The following WDPCP variants were observed in gnomAD, a reference collection of about 807,000 sequenced individuals.
WDPCP encodes the protein WD repeat-containing and planar cell polarity effector protein fritz homolog.
Under a neutral mutation model 93.1 loss-of-function variants are expected in WDPCP, and 71 were observed. That is an observed-to-expected ratio of 0.76 (90% CI 0.63 to 0.93). The LOEUF (loss-of-function observed/expected upper bound fraction) is 0.93. Ranked by LOEUF, WDPCP falls within the 40% of genes least tolerant of loss-of-function variation. The pLI is 0.00. For missense variants in WDPCP, 844 were observed against 887.4 expected (o/e 0.95, Z 0.62); for synonymous variants, 315 against 315.0 (o/e 1.00, Z 0.00).
chr2:63,405,532 A>AGAGT (rs1553379085), intron 9 of WDPCP, among the ~76,000 whole-genome samples: 3 of 125,010 alleles, frequency 2.4e-5, no homozygotes, highest in African/African-American at 9.4e-5. Flanking sequence ...ATTTTGGTAT[A>AGAGT]GTGTGTGTGT....
chr2:63,384,905 A>G (rs759310848), intron 10 of WDPCP, among the ~76,000 whole-genome samples: 4 of 152,170 alleles, frequency 2.6e-5, no homozygotes, highest in African/African-American at 7.2e-5. Flanking sequence ...AATATTTCCC[A>G]TAAACAAACA....
intron 17 of WDPCP, among the ~76,000 whole-genome samples, chr2:63,141,562 A>AT (rs1420610424): frequency 5.3e-5 from 8 of 152,140 alleles, no homozygotes; most frequent in Non-Finnish European, 1.5e-5. Context: ...TTCATCAAGG[A>AT]TATCGGTCTA....
At chr2:63,170,274 T>A (rs1002407789) in intron 15 of WDPCP, among the ~76,000 whole-genome samples, 2 of 151,316 alleles carry the variant, frequency 1.3e-5, no homozygotes, top group African/African-American at 2.4e-5. Context: ...TTTTCTTTCT[T>A]TCTTTTTTTT....
chr2:63,315,840 A>G (rs1232191513), intron 12 of WDPCP, among the ~76,000 whole-genome samples: 4 of 151,990 alleles, frequency 2.6e-5, no homozygotes, highest in African/African-American at 9.7e-5. Context: ...TCACTGTAAC[A>G]TCAACCTCAT....
intron 3 of WDPCP, among the ~76,000 whole-genome samples, chr2:63,634,069 T>A (rs937971114): frequency 4.6e-5 from 7 of 151,940 alleles, no homozygotes; most frequent in Non-Finnish European, 1.0e-4. Flanking sequence ...AAAAGGGGGA[T>A]TTAAATCCCC....
chr2:63,605,289 C>G (rs760976486), intron 3 of WDPCP: 1 of 1,612,240 alleles, frequency 6.2e-7, no homozygotes, highest in South Asian at 1.1e-5. Context: ...GACTGTGCAG[C>G]AGCGTGGCGC....
intron 2 of WDPCP, among the ~76,000 whole-genome samples, chr2:63,688,838 G>A (rs975316534): frequency 2.0e-5 from 3 of 152,086 alleles, no homozygotes; most frequent in South Asian, 4.2e-4. Flanking sequence ...TTGGGAAGTG[G>A]GGCCTTTAAA....
At chr2:63,819,535 G>C (rs1418522926) in intron 1 of WDPCP, among the ~76,000 whole-genome samples, 1 of 152,196 alleles carries the variant, frequency 6.6e-6, no homozygotes, top group Non-Finnish European at 1.5e-5. Context: ...TGGAGGACTT[G>C]TATTAAAATA....
upstream of WDPCP, chr2:63,589,956 T>C (rs1709139179): frequency 1.3e-5 from 2 of 154,702 alleles, no homozygotes; most frequent in Admixed American, 6.3e-5. Flanking sequence ...CTAAAACGGC[T>C]GGAGAATGTG....
chr2:63,644,252 T>TG (rs1307333078), intron 3 of WDPCP, among the ~76,000 whole-genome samples: 1 of 148,692 alleles, frequency 6.7e-6, no homozygotes, highest in East Asian at 2.0e-4. Flanking sequence ...ACTTTTTTTT[T>TG]TTTTTTTTTT....
chr2:63,392,006 G>T (rs1216743409), intron 10 of WDPCP, among the ~76,000 whole-genome samples: 1 of 152,128 alleles, frequency 6.6e-6, no homozygotes, highest in Non-Finnish European at 1.5e-5. Context: ...AGCTACCAAT[G>T]ACTTTCTTCA....
chr2:63,322,697 C>T (rs545133657), intron 12 of WDPCP, among the ~76,000 whole-genome samples: 33 of 152,200 alleles, frequency 2.2e-4, no homozygotes, highest in African/African-American at 2.9e-4. Flanking sequence ...TAACACTCAC[C>T]GCAAGGGTCC....
At chr2:63,192,061 C>T (rs1430311606) in intron 14 of WDPCP, among the ~76,000 whole-genome samples, 1 of 152,084 alleles carries the variant, frequency 6.6e-6, no homozygotes, top group Non-Finnish European at 1.5e-5. Context: ...CTCTCCTTAC[C>T]CCCCTTTAAA....
At chr2:63,550,192 AACACACACAC>A (rs56155473) in intron 1 of WDPCP, among the ~76,000 whole-genome samples, 2,784 of 44,308 alleles carry the variant, frequency 0.063, 42 homozygotes, top group Admixed American at 0.07. Context: ...CATCTTAAGA[AACACACACAC>A]ACACACACAC....
intron 1 of WDPCP, among the ~76,000 whole-genome samples, chr2:63,821,621 A>G (rs1016973728): frequency 6.6e-6 from 1 of 152,186 alleles, no homozygotes; most frequent in African/African-American, 2.4e-5. Flanking sequence ...TCAACAGTAC[A>G]GAGAGTGGAC....
chr2:63,433,993 C>G, intron 8 of WDPCP, 57 bp from the exon 9 acceptor site: 1 of 1,533,614 alleles, frequency 6.5e-7, no homozygotes, highest in Non-Finnish European at 8.9e-7. Flanking sequence ...GCAAAATCCT[C>G]AAGTATTACA....
intron 1 of WDPCP, among the ~76,000 whole-genome samples, chr2:63,572,908 T>A (rs1000199330): frequency 2.0e-5 from 3 of 151,556 alleles, no homozygotes; most frequent in African/African-American, 7.3e-5. Context: ...TTAAAACACA[T>A]AAGGCAAGAA....
rs147032106 is a variant in WDPCP, at chr2:63,497,679, T to C, written c.76-4739A>G. 1.4e-4 allele frequency among the ~76,000 whole-genome samples: 22 copies of C among 152,302 alleles called. No homozygotes were observed. The South Asian group carries it at 2.5e-3, about 17-fold the overall frequency. The stretch of plus-strand genomic sequence containing the variant: ...AGGTTTTCTGAAAGACACAAGTTTT[T>C]TAAAGAGCTCTAAACATCTTGAATC... On this transcript the variant is annotated intron_variant, in intron 1 of 17. Coordinates refer to ENST00000272321, the MANE Select transcript of WDPCP (RefSeq NM_015910.7).
chr2:63,762,689 G>T (rs1575767098), intron 2 of WDPCP, among the ~76,000 whole-genome samples: 1 of 152,260 alleles, frequency 6.6e-6, no homozygotes, highest in African/African-American at 2.4e-5. Flanking sequence ...TGCTAGCTCA[G>T]ATCTTTTTCT....
Sources: allele counts gnomAD v4.1 joint callset (sites outside exome capture counted in the v4.1 genomes callset), GRCh38; gene constraint gnomAD v4.1.1; transcripts MANE v1.5; gene names NCBI Gene and HGNC (gene_info 2026-07-23, HGNC 2026-07-21).